Variants in CSMD1 observed in about 807,000 individuals in gnomAD.
CSMD1 encodes CUB and sushi domain-containing protein 1.
In CSMD1, 213 loss-of-function variants were observed where a neutral mutation model predicts 417.5. The observed-to-expected ratio is 0.51, with a 90% CI of 0.46 to 0.57. The LOEUF is 0.57. Ranked by LOEUF, CSMD1 falls within the 20% of genes least tolerant of loss-of-function variation. The pLI, the probability that CSMD1 is intolerant of heterozygous loss-of-function variation, is 0.00. For missense variants in CSMD1, 6,923 were observed against 4,529.7 expected (o/e 1.53, Z -15.17); for synonymous variants, 2,862 against 1,736.8 (o/e 1.65, Z -16.11).
chr8:3,477,501 A>G (rs1033924059), intron 11 of CSMD1, among the ~76,000 whole-genome samples: 1 of 152,210 alleles, frequency 6.6e-6, no homozygotes, highest in Non-Finnish European at 1.5e-5. Flanking sequence ...ATTAATAAGG[A>G]TAAGTAAAGA....
At chr8:3,982,751 G>C (rs963548787) in intron 5 of CSMD1, among the ~76,000 whole-genome samples, 3 of 152,110 alleles carry the variant, frequency 2.0e-5, no homozygotes, top group Admixed American at 6.5e-5. Context: ...AACGTGGAAG[G>C]AGCTGCCCAC....
At chr8:3,717,475 G>T (rs1160845945) in intron 6 of CSMD1, among the ~76,000 whole-genome samples, 1 of 152,040 alleles carries the variant, frequency 6.6e-6, no homozygotes, top group Non-Finnish European at 1.5e-5. Flanking sequence ...AGATATTGTT[G>T]TAGGACGTTC....
At chr8:3,509,142 C>G (rs895473713) in intron 10 of CSMD1, among the ~76,000 whole-genome samples, 1 of 152,082 alleles carries the variant, frequency 6.6e-6, no homozygotes, top group Non-Finnish European at 1.5e-5. Context: ...TCTAAGTATT[C>G]AGTAGATAAG....
intron 1 of CSMD1, among the ~76,000 whole-genome samples, chr8:4,704,233 G>A (rs910510375): frequency 6.6e-6 from 1 of 152,170 alleles, no homozygotes; most frequent in Non-Finnish European, 1.5e-5. Context: ...TAAGTCATTT[G>A]CATTTGTAAT....
intron 3 of CSMD1, among the ~76,000 whole-genome samples, chr8:4,046,490 G>C (rs952343476): frequency 6.6e-6 from 1 of 152,138 alleles, no homozygotes; most frequent in African/African-American, 2.4e-5. Flanking sequence ...TTTCGGAAAG[G>C]ATAAAGCATG....
intron 3 of CSMD1, among the ~76,000 whole-genome samples, chr8:4,223,422 A>G (rs1032996959): frequency 3.9e-5 from 6 of 152,256 alleles, no homozygotes. Context: ...CGTCATCGCC[A>G]GGGATACGTG....
rs868418098 is a variant in CSMD1 at position 3,436,666 on chromosome 8, G to C, written c.1562-27061C>G. ...GTATTTCAAAACAAGAAAAGTGTGAGTCTTGTATTGTTCTATATACGCGAC... is the reference window on the plus strand; with the variant it reads ...GTATTTCAAAACAAGAAAAGTGTGACTCTTGTATTGTTCTATATACGCGAC... On this transcript the variant is annotated intron_variant, in intron 12 of 69. Coordinates refer to ENST00000635120, the MANE Select transcript of CSMD1 (RefSeq NM_033225.6). Among the ~76,000 whole-genome samples the C allele has an allele frequency of 3.3e-5, 5 of 152,238 alleles. No homozygotes were observed. The South Asian group carries it at 8.3e-4, about 25-fold the overall frequency.
intron 3 of CSMD1, among the ~76,000 whole-genome samples, chr8:4,295,592 T>C (rs1797631778): frequency 6.9e-6 from 1 of 145,114 alleles, no homozygotes; most frequent in Admixed American, 7.0e-5. Context: ...ATTAAGGGCT[T>C]AAGATTATAT....
chr8:4,398,771 T>C (rs1804444671), intron 3 of CSMD1, among the ~76,000 whole-genome samples: 1 of 152,236 alleles, frequency 6.6e-6, no homozygotes, highest in Non-Finnish European at 1.5e-5. Flanking sequence ...ATCAAAATTA[T>C]TGATCAGCAC....
At chr8:3,901,445 A>T (rs1807745981) in intron 5 of CSMD1, among the ~76,000 whole-genome samples, 2 of 152,292 alleles carry the variant, frequency 1.3e-5, no homozygotes, top group South Asian at 4.1e-4. Flanking sequence ...GTCTTACTCT[A>T]ATGACTTCAA....
At chr8:3,859,030 C>A (rs1398099583) in intron 5 of CSMD1, among the ~76,000 whole-genome samples, 2 of 152,160 alleles carry the variant, frequency 1.3e-5, no homozygotes, top group African/African-American at 2.4e-5. Context: ...CCCTAAAAGA[C>A]CTTATTATAA....
At chr8:4,696,730 C>G (rs929335082) in intron 1 of CSMD1, among the ~76,000 whole-genome samples, 5 of 152,118 alleles carry the variant, frequency 3.3e-5, no homozygotes, top group African/African-American at 1.2e-4. Flanking sequence ...CACTAGTACC[C>G]AGAATAATGC....
intron 1 of CSMD1, among the ~76,000 whole-genome samples, chr8:4,845,741 C>T (rs915118745): frequency 1.3e-5 from 2 of 152,122 alleles, no homozygotes; most frequent in African/African-American, 4.8e-5. Flanking sequence ...GGAGCACTGG[C>T]CGGTGCTCAG....
intron 10 of CSMD1, among the ~76,000 whole-genome samples, chr8:3,553,291 G>C (rs1044095500): frequency 6.6e-6 from 1 of 152,174 alleles, no homozygotes; most frequent in Non-Finnish European, 1.5e-5. Context: ...GCACACGCTT[G>C]GTGAAATGGA....
intron 3 of CSMD1, among the ~76,000 whole-genome samples, chr8:4,078,898 T>TAC (rs1295773385): frequency 7.9e-5 from 1 of 12,728 alleles, no homozygotes; most frequent in African/African-American, 2.6e-4. Flanking sequence ...TAATAATAAA[T>TAC]ATATATATAT....
At chr8:3,839,861 C>T (rs78429048) in intron 5 of CSMD1, among the ~76,000 whole-genome samples, 2,385 of 151,798 alleles carry the variant, frequency 0.016, 57 homozygotes, top group African/African-American at 0.053. Context: ...CTTCTACGGG[C>T]GGCAGTTTCT....
At chr8:3,751,326 GTATATA>G (rs375444006) in intron 6 of CSMD1, among the ~76,000 whole-genome samples, 12 of 132,928 alleles carry the variant, frequency 9.0e-5, no homozygotes, top group African/African-American at 1.1e-4. Context: ...GTGTGTGTGT[GTATATA>G]TATATATATA....
At chr8:4,542,469 T>C (rs1364594996) in intron 2 of CSMD1, among the ~76,000 whole-genome samples, 1 of 152,222 alleles carries the variant, frequency 6.6e-6, no homozygotes, top group Admixed American at 6.5e-5. Context: ...GATATTTGAA[T>C]AGATCACCAA....
At chr8:4,984,821 C>T (rs1811087288) in intron 1 of CSMD1, among the ~76,000 whole-genome samples, 1 of 152,142 alleles carries the variant, frequency 6.6e-6, no homozygotes, top group African/African-American at 2.4e-5. Context: ...CTTGGGCTGA[C>T]CTGTTCTAAC....
Sources: allele counts gnomAD v4.1 joint callset (sites outside exome capture counted in the v4.1 genomes callset), GRCh38; gene constraint gnomAD v4.1.1; transcripts MANE v1.5; gene names NCBI Gene and HGNC (gene_info 2026-07-23, HGNC 2026-07-21).